Variants in SPIDR observed in about 807,000 individuals in gnomAD.
SPIDR encodes DNA repair-scaffolding protein.
A neutral mutation model predicts 104.6 loss-of-function variants in SPIDR; 93 were observed. The ratio of observed to expected loss-of-function variants is 0.89; its 90% confidence interval spans 0.75 to 1.06. The LOEUF (loss-of-function observed/expected upper bound fraction) is 1.06, where lower values mean the gene tolerates loss of function less well. Among genes scored for constraint, SPIDR ranks in the 50% least tolerant of loss-of-function variants. SPIDR has a pLI of 0.00. For synonymous variants in SPIDR, 431 were observed against 416.9 expected (o/e 1.03, Z -0.41); for missense variants, 1,154 against 1,111.2 (o/e 1.04, Z -0.55).
chr8:47,638,409 G>A (rs1274176928), intron 10 of SPIDR, among the ~76,000 whole-genome samples: 1 of 152,128 alleles, frequency 6.6e-6, no homozygotes, highest in Non-Finnish European at 1.5e-5. Flanking sequence ...CTCCCAAAGT[G>A]CTGGGATTAC....
In SPIDR at chr8:47,600,249, A is replaced by G. The variant is rs894835196; in HGVS notation, c.1544+1053A>G. 3.6e-4 allele frequency among the ~76,000 whole-genome samples: 55 copies of G among 152,322 alleles called. 1 individual carries two copies. Among genetic ancestry groups the G allele is most frequent in the Admixed American group, 3.0e-3 (46 of 15,300 alleles). ...ATCCTGGCCGGGCATGGTTGCTCAC[A>G]CATATAATCCCAGCACTTTGGGAGG... On this transcript the variant is annotated intron_variant, in intron 10 of 19. Coordinates refer to ENST00000297423, the MANE Select transcript of SPIDR (RefSeq NM_001080394.4).
intron 8 of SPIDR, among the ~76,000 whole-genome samples, chr8:47,476,569 C>G (rs1333614827): frequency 2.6e-5 from 4 of 152,060 alleles, no homozygotes; most frequent in African/African-American, 9.7e-5. Context: ...ACACCTTGCC[C>G]CTTTCTCACC....
At chr8:47,723,781 C>T (rs1192343960) in intron 16 of SPIDR, among the ~76,000 whole-genome samples, 1 of 152,148 alleles carries the variant, frequency 6.6e-6, no homozygotes, top group Non-Finnish European at 1.5e-5. Context: ...GTTTGCAATA[C>T]ACTTTACAGC....
chr8:47,735,318 G>C lies in SPIDR; in HGVS notation c.2616G>C (p.Val872=). ...FAAGEDGSYE[V]KSVLGKEVGL... ...TTTTATCACTGCAGAGCTACGAAGT[G>C]AAGAGTGTCCTCGGAAAGGAAGTGG... The change falls in exon 20 of 20, where the codon GTG becomes GTC. Residue 872 remains valine (V), a synonymous_variant. Transcript: ENST00000297423. 6.2e-7 allele frequency: 1 copy of C among 1,614,034 alleles called. No individual in the cohort carries two copies. The highest frequency in any genetic ancestry group is 8.5e-7 in the Non-Finnish European group (1 of 1,180,044).
intron 6 of SPIDR, among the ~76,000 whole-genome samples, chr8:47,407,353 C>T (rs1213456966): frequency 6.6e-6 from 1 of 152,146 alleles, no homozygotes; most frequent in Non-Finnish European, 1.5e-5. Flanking sequence ...AGTGTTCTAT[C>T]AACAGTTGGC....
intron 1 of SPIDR, among the ~76,000 whole-genome samples, chr8:47,264,295 A>C (rs782440991): frequency 6.6e-6 from 1 of 152,226 alleles, no homozygotes; most frequent in African/African-American, 2.4e-5. Flanking sequence ...GAGGAAACCC[A>C]TGGTGATTCA....
chr8:47,528,659 G>A (rs1315790374), intron 8 of SPIDR, among the ~76,000 whole-genome samples: 1 of 151,928 alleles, frequency 6.6e-6, no homozygotes, highest in Admixed American at 6.6e-5. Flanking sequence ...CAGAAGTGAA[G>A]AATGCCTTCG....
At chr8:47,572,100 G>T (rs1350171572) in intron 8 of SPIDR, among the ~76,000 whole-genome samples, 1 of 152,068 alleles carries the variant, frequency 6.6e-6, no homozygotes, top group Non-Finnish European at 1.5e-5. Context: ...AAATTTAACT[G>T]AAATAGTGTA....
intron 5 of SPIDR, among the ~76,000 whole-genome samples, chr8:47,310,882 CAG>C (rs1475753530): frequency 2.5e-4 from 38 of 152,168 alleles, no homozygotes; most frequent in Admixed American, 2.2e-3. Context: ...TAATCAAATC[CAG>C]AGTTTCTAAA....
At chr8:47,505,640 T>A (rs1380648715) in intron 8 of SPIDR, among the ~76,000 whole-genome samples, 2 of 152,060 alleles carry the variant, frequency 1.3e-5, no homozygotes, top group African/African-American at 4.8e-5. Context: ...TGCGCCCACT[T>A]TCCGATACTC....
intron 10 of SPIDR, among the ~76,000 whole-genome samples, chr8:47,633,147 C>A (rs2067318769): frequency 6.6e-6 from 1 of 152,198 alleles, no homozygotes; most frequent in Non-Finnish European, 1.5e-5. Flanking sequence ...GTAATACTTT[C>A]ATTTGAGGCA....
intron 14 of SPIDR, among the ~76,000 whole-genome samples, chr8:47,710,448 T>C (rs906351676): frequency 2.6e-5 from 4 of 152,016 alleles, no homozygotes; most frequent in Non-Finnish European, 5.9e-5. Flanking sequence ...ATAGAAAGCT[T>C]TGCCCTTCCT....
chr8:47,729,569 C>G, intron 19 of SPIDR, 104 bp downstream of exon 19: 1 of 1,313,232 alleles, frequency 7.6e-7, no homozygotes, highest in Non-Finnish European at 1.0e-6. Context: ...CTATTACAAC[C>G]CATCCCACTA....
intron 8 of SPIDR, among the ~76,000 whole-genome samples, chr8:47,571,186 A>G (rs1462700473): frequency 6.6e-6 from 1 of 152,188 alleles, no homozygotes; most frequent in Non-Finnish European, 1.5e-5. Context: ...AAGGGGTCCA[A>G]ACTTTCATTT....
intron 10 of SPIDR, among the ~76,000 whole-genome samples, chr8:47,620,336 G>A (rs1180198307): frequency 2.1e-5 from 3 of 144,532 alleles, no homozygotes; most frequent in Non-Finnish European, 3.0e-5. Context: ...GTGCAGTGGC[G>A]TGATCTTGGC....
chr8:47,559,016 A>C (rs962492598), intron 8 of SPIDR, among the ~76,000 whole-genome samples: 54 of 152,266 alleles, frequency 3.5e-4, no homozygotes, highest in Admixed American at 1.1e-3. Flanking sequence ...GCAGTGATGG[A>C]TCTTGTGCTG....
intron 8 of SPIDR, among the ~76,000 whole-genome samples, chr8:47,559,514 C>G (rs1020099362): frequency 2.6e-5 from 4 of 152,246 alleles, no homozygotes; most frequent in African/African-American, 9.6e-5. Flanking sequence ...CTTTGCTTGC[C>G]TGTCTGCAAG....
chr8:47,606,661 A>T (rs538599012), intron 10 of SPIDR, among the ~76,000 whole-genome samples: 1 of 152,116 alleles, frequency 6.6e-6, no homozygotes, highest in African/African-American at 2.4e-5. Flanking sequence ...TAGCCTTTGC[A>T]TGTGTTTGGA....
chr8:47,463,850 G>A (rs1691581128), intron 8 of SPIDR, among the ~76,000 whole-genome samples: 1 of 152,124 alleles, frequency 6.6e-6, no homozygotes, highest in African/African-American at 2.4e-5. Flanking sequence ...GGGAACATAA[G>A]ATTACTTCCT....
Sources: allele counts gnomAD v4.1 joint callset (sites outside exome capture counted in the v4.1 genomes callset), GRCh38; gene constraint gnomAD v4.1.1; transcripts MANE v1.5; gene names NCBI Gene and HGNC (gene_info 2026-07-23, HGNC 2026-07-21).